The following SNX14 variants were observed in gnomAD, a reference collection of about 807,000 sequenced individuals.
The protein encoded by SNX14 is sorting nexin 14.
In SNX14, 93 loss-of-function variants were observed where a neutral mutation model predicts 133.8. The observed-to-expected ratio is 0.70, with a 90% CI of 0.59 to 0.83. The LOEUF is 0.83. SNX14 is among the 40% of genes least tolerant of loss of function. SNX14 has a pLI of 0.00. For missense variants in SNX14, 945 were observed against 1,094.9 expected (o/e 0.86, Z 1.93); for synonymous variants, 368 against 365.6 (o/e 1.01, Z -0.07).
chr6:85,512,286 T>C (rs1934670511), intron 26 of SNX14, among the ~76,000 whole-genome samples: 1 of 152,180 alleles, frequency 6.6e-6, no homozygotes, highest in African/African-American at 2.4e-5. Context: ...CAATATTCAC[T>C]GTGGGATCTT....
At chr6:85,511,181 C>A (rs1772684443) in intron 26 of SNX14, among the ~76,000 whole-genome samples, 1 of 125,898 alleles carries the variant, frequency 7.9e-6, no homozygotes, top group Non-Finnish European at 1.8e-5. Context: ...GGTGCTAATG[C>A]AAATAGTATT....
At chr6:85,567,682 A>G in intron 4 of SNX14, 105 bp from the exon 5 acceptor site, 1 of 696,886 alleles carries the variant, frequency 1.4e-6, no homozygotes, top group Non-Finnish European at 2.3e-6. Flanking sequence ...CAATTTTATT[A>G]TCACAAATAG....
In SNX14 at chr6:85,533,748, C is replaced by T; in HGVS notation, c.1661G>A (p.Ser554Asn). The T allele has an allele frequency of 3.7e-6, 6 of 1,613,966 alleles. No individual in the cohort carries two copies. The highest frequency in any genetic ancestry group is 5.1e-6 in the Non-Finnish European group (6 of 1,180,022). ...MEDDSPVEAV[S>N]TPNTPRNLAA... Reference sequence around the variant, plus strand: ...AAGGTTTCGGGGAGTATTAGGTGTGCTCACAGCCTCCACTGGAGAATCATC... The same window carrying T: ...AAGGTTTCGGGGAGTATTAGGTGTGTTCACAGCCTCCACTGGAGAATCATC... The change falls in exon 18 of 29, where the codon AGC (serine) becomes AAC (asparagine). Residue 554 changes from serine to asparagine, a missense_variant. Around this residue, in one of 3 missense-constraint regions of SNX14, gnomAD observed 412 missense variants for 516.6 expected, o/e 0.80. Coordinates refer to ENST00000314673, the MANE Select transcript of SNX14 (RefSeq NM_153816.6).
chr6:85,556,020 AAACTACAGACTTT>A, intron 7 of SNX14, among the ~76,000 whole-genome samples: 1 of 152,124 alleles, frequency 6.6e-6, no homozygotes, highest in South Asian at 2.1e-4. Context: ...CCAAAAATCT[AAACTACAGACTTT>A]AGTTAATAAT....
chr6:85,542,812 C>T (rs1447655888), intron 14 of SNX14, among the ~76,000 whole-genome samples: 1 of 152,088 alleles, frequency 6.6e-6, no homozygotes, highest in East Asian at 1.9e-4. Context: ...ATGGCCCAGG[C>T]TTGAGTTGTA....
chr6:85,583,300 C>G (rs1292206202), intron 1 of SNX14, among the ~76,000 whole-genome samples: 1 of 152,180 alleles, frequency 6.6e-6, no homozygotes, highest in Non-Finnish European at 1.5e-5. Context: ...CAGCCATTAT[C>G]ATACTGAATG....
Position 85,533,696 on chromosome 6 carries a change from A to G in SNX14, c.1713T>C (p.Tyr571=). ...NLAAWKISIP[Y]VDFFEDPSSE... Reference sequence around the variant, plus strand: ...AGGAGGGATCCTCAAAAAAGTCTACATATGGAATGCTAATTTTCCATGCAG... The same window carrying G: ...AGGAGGGATCCTCAAAAAAGTCTACGTATGGAATGCTAATTTTCCATGCAG... Residue 571 remains tyrosine (Y), a synonymous_variant, in exon 18 of 29, where the codon TAT becomes TAC. Coordinates refer to ENST00000314673, the MANE Select transcript of SNX14 (RefSeq NM_153816.6). 6.2e-7 allele frequency: 1 copy of G among 1,613,992 alleles called. No individual in the cohort carries two copies.
intron 12 of SNX14, among the ~76,000 whole-genome samples, chr6:85,546,825 C>G (rs1167087091): frequency 1.3e-5 from 2 of 151,982 alleles, no homozygotes; most frequent in East Asian, 3.9e-4. Flanking sequence ...AGCTGGGGTG[C>G]TGGCACATGC....
intron 1 of SNX14, chr6:85,581,439 C>T (rs1398017528): frequency 6.6e-6 from 1 of 152,172 alleles, no homozygotes; most frequent in Non-Finnish European, 1.5e-5. Flanking sequence ...TACCCAGACA[C>T]TGAAAAACAT....
chr6:85,513,690 T>G (rs1773752468), intron 26 of SNX14, 110 bp downstream of exon 26: 1 of 754,894 alleles, frequency 1.3e-6, no homozygotes, highest in Admixed American at 3.0e-5. Context: ...TTGCAACTAT[T>G]TGTAAAATGA....
At chr6:85,540,881 T>A (rs907378888) in intron 15 of SNX14, among the ~76,000 whole-genome samples, 3 of 152,146 alleles carry the variant, frequency 2.0e-5, no homozygotes, top group Non-Finnish European at 4.4e-5. Flanking sequence ...GGTGTCTAGA[T>A]GTTTGTGTCA....
Position 85,518,077 on chromosome 6 carries a change from G to A in SNX14, c.2108-29C>T, listed in dbSNP as rs372931861. 7.0e-6 allele frequency: 11 copies of A among 1,567,510 alleles called. No individual in the cohort carries two copies. In the African/African-American group the frequency reaches 1.2e-4, roughly 17 times the overall value. On this transcript the variant is annotated intron_variant, in intron 21 of 28. Coordinates refer to ENST00000314673, the MANE Select transcript of SNX14 (RefSeq NM_153816.6). Reference sequence around the variant, plus strand: ...CAATTAAAAGTAAAACATTATTTTAGGAAGGCATAAAACTCTTCATAATTG... The same window carrying A: ...CAATTAAAAGTAAAACATTATTTTAAGAAGGCATAAAACTCTTCATAATTG...
chr6:85,543,102 G>A lies in SNX14; in HGVS notation c.1389+80C>T, dbSNP rs866720297. The A allele has an allele frequency of 1.4e-5, 18 of 1,245,498 alleles. 1 individual carries two copies. In the Middle Eastern group the frequency reaches 2.4e-3, roughly 166 times the overall value. 77.2% of individuals were successfully genotyped at this position (1,245,498 alleles called of 1,614,324 possible). A position where few individuals can be genotyped will look rare whatever the true frequency, so the allele number is the denominator to read the frequency against. ...TATTTTTCTATTTATTTTGTTATTT[G>A]AATCACTCATCTAATGATATCAAAG... On this transcript the variant is annotated intron_variant, in intron 14 of 28. Coordinates refer to ENST00000314673, the MANE Select transcript of SNX14 (RefSeq NM_153816.6).
intron 18 of SNX14, 108 bp from the exon 19 acceptor site, chr6:85,530,383 G>A (rs1002675730): frequency 4.3e-5 from 28 of 657,902 alleles, no homozygotes; most frequent in South Asian, 7.3e-5. Context: ...GGTGGCTCAC[G>A]CCTATAATCC....
chr6:85,563,069 T>A (rs1582952685), intron 6 of SNX14, among the ~76,000 whole-genome samples: 1 of 152,220 alleles, frequency 6.6e-6, no homozygotes, highest in African/African-American at 2.4e-5. Context: ...ATTTATTTGC[T>A]GTGAGACAAC....
intron 1 of SNX14, among the ~76,000 whole-genome samples, chr6:85,580,873 TG>T: frequency 6.6e-6 from 1 of 152,162 alleles, no homozygotes. Flanking sequence ...TTCCAACTCC[TG>T]GTCCTGGCTC....
intron 1 of SNX14, among the ~76,000 whole-genome samples, chr6:85,592,294 CAT>C (rs1489981800): frequency 6.6e-6 from 1 of 152,182 alleles, no homozygotes; most frequent in South Asian, 2.1e-4. Context: ...CTAACTTCAA[CAT>C]AGTCACAAAT....
intron 1 of SNX14, among the ~76,000 whole-genome samples, chr6:85,583,431 G>A (rs1023122426): frequency 7.9e-5 from 12 of 152,158 alleles, no homozygotes; most frequent in Admixed American, 2.6e-4. Context: ...GAAATAAAGC[G>A]TATTCAAATA....
At chr6:85,513,960 A>G in intron 25 of SNX14, 65 bp from the exon 26 acceptor site, 1 of 1,550,046 alleles carries the variant, frequency 6.5e-7, no homozygotes. Context: ...GGATTTCCTC[A>G]TAGTAGAAAT....
Sources: allele counts gnomAD v4.1 joint callset (sites outside exome capture counted in the v4.1 genomes callset), GRCh38; gene constraint gnomAD v4.1.1; regional missense constraint gnomAD v4.1.1; transcripts MANE v1.5; gene names NCBI Gene and HGNC (gene_info 2026-07-23, HGNC 2026-07-21).